LINC00632: variants seen among roughly 807,000 people sequenced by gnomAD.
LINC00632 encodes the protein long independently transcribed non-coding RNA 632.
exon 5 of LINC00632, among the ~76,000 whole-genome samples, chrX:140,790,418 T>C (rs1377170420): frequency 9.0e-6 from 1 of 111,513 alleles, no homozygotes; most frequent in East Asian, 2.8e-4. Context: ...ACTGATAATA[T>C]TTCTCTAGTA....
At chrX:140,736,365 CA>C (rs1351489375) in intron 3 of LINC00632, among the ~76,000 whole-genome samples, 1 of 105,708 alleles carries the variant, frequency 9.5e-6, no homozygotes, top group Non-Finnish European at 1.9e-5. Context: ...ATAGCATATA[CA>C]TTTTTTTTTC....
intron 2 of LINC00632, among the ~76,000 whole-genome samples, chrX:140,728,117 G>A (rs967540170): frequency 5.4e-5 from 6 of 110,267 alleles, no homozygotes; most frequent in African/African-American, 1.3e-4. Flanking sequence ...GCGCATGCCT[G>A]TAATCCCAGC....
chrX:140,720,352 A>T (rs1276174807), intron 2 of LINC00632, among the ~76,000 whole-genome samples: 7 of 111,469 alleles, frequency 6.3e-5, no homozygotes, highest in Non-Finnish European at 1.3e-4. Context: ...GTCTTGTAAC[A>T]CTGAGACTCA....
chrX:140,724,882 C>T (rs1930901526), intron 2 of LINC00632, among the ~76,000 whole-genome samples: 1 of 109,914 alleles, frequency 9.1e-6, no homozygotes, highest in African/African-American at 3.3e-5. Context: ...TCCATACACA[C>T]ACATTCCATA....
chrX:140,778,625 A>G (rs1931901548), exon 5 of LINC00632, among the ~76,000 whole-genome samples: 1 of 109,974 alleles, frequency 9.1e-6, no homozygotes, highest in African/African-American at 3.3e-5. Context: ...AAAGAAAAAA[A>G]AAAAAAAAAA....
intron 3 of LINC00632, among the ~76,000 whole-genome samples, chrX:140,767,715 A>C (rs1216945322): frequency 8.9e-5 from 10 of 111,797 alleles, no homozygotes; most frequent in East Asian, 8.5e-4. Context: ...AGCTAGCTAG[A>C]TAGATAGATA....
exon 5 of LINC00632, among the ~76,000 whole-genome samples, chrX:140,787,421 T>C (rs760555937): frequency 1.3e-4 from 15 of 111,935 alleles, no homozygotes; most frequent in Non-Finnish European, 3.8e-5. Context: ...TTGGTGAGCA[T>C]TAAGTTCCTT....
At chrX:140,749,925 C>T (rs922980086) in intron 3 of LINC00632, among the ~76,000 whole-genome samples, 4 of 110,526 alleles carry the variant, frequency 3.6e-5, no homozygotes, top group African/African-American at 6.6e-5. Context: ...AACTCCTGGG[C>T]GCAAGTGATC....
exon 4 of LINC00632, among the ~76,000 whole-genome samples, chrX:140,773,074 G>A (rs1218918072): frequency 9.0e-6 from 1 of 111,696 alleles, no homozygotes; most frequent in African/African-American, 3.3e-5. Flanking sequence ...GCTGAGGCAG[G>A]AGAATCGCTT....
chrX:140,723,455 CACACACACATTCCATACACAT>C (rs1930782645), intron 2 of LINC00632, among the ~76,000 whole-genome samples: 3 of 34,955 alleles, frequency 8.6e-5, no homozygotes, highest in African/African-American at 2.4e-4. Flanking sequence ...ACACATTCCA[CACACACACATTCCATACACAT>C]ACACACACAT....
At chrX:140,735,457 G>T (rs944686932) in intron 3 of LINC00632, among the ~76,000 whole-genome samples, 2 of 111,477 alleles carry the variant, frequency 1.8e-5, no homozygotes, top group Non-Finnish European at 3.8e-5. Flanking sequence ...ATTTTCATTT[G>T]AGGCATTATT....
intron 2 of LINC00632, among the ~76,000 whole-genome samples, chrX:140,716,560 C>T (rs975215366): frequency 2.7e-5 from 3 of 110,229 alleles, no homozygotes; most frequent in East Asian, 2.9e-4. Context: ...AGCCCTAGAA[C>T]GTCTAGAAAC....
At chrX:140,758,581 T>C (rs1366341404) in intron 3 of LINC00632, among the ~76,000 whole-genome samples, 5 of 111,599 alleles carry the variant, frequency 4.5e-5, no homozygotes, top group Non-Finnish European at 9.4e-5. Context: ...TTTCGCCGTG[T>C]TGGCCAGGCT....
chrX:140,726,717 C>T (rs761595000), intron 2 of LINC00632, among the ~76,000 whole-genome samples: 3 of 112,086 alleles, frequency 2.7e-5, no homozygotes, highest in Non-Finnish European at 3.8e-5. Context: ...CCAAGATATA[C>T]GGCTTCTTCC....
At chrX:140,760,983 C>G (rs1289266052) in intron 3 of LINC00632, among the ~76,000 whole-genome samples, 1 of 112,314 alleles carries the variant, frequency 8.9e-6, no homozygotes, top group Non-Finnish European at 1.9e-5. Flanking sequence ...AGTTTTCACA[C>G]TCCCACCACA....
At chrX:140,747,555 C>T (rs1602744792) in intron 3 of LINC00632, among the ~76,000 whole-genome samples, 1 of 97,551 alleles carries the variant, frequency 1.0e-5, no homozygotes, top group African/African-American at 3.6e-5. Context: ...AAAGGAATTA[C>T]ATTGGCCTTC....
intron 3 of LINC00632, among the ~76,000 whole-genome samples, chrX:140,767,223 G>T (rs776681482): frequency 7.2e-5 from 8 of 111,203 alleles, no homozygotes; most frequent in African/African-American, 2.6e-4. Context: ...GACAGATTAT[G>T]TAACTTGTCT....
chrX:140,741,272 G>A (rs1157846054), intron 3 of LINC00632, among the ~76,000 whole-genome samples: 1 of 112,029 alleles, frequency 8.9e-6, no homozygotes, highest in African/African-American at 3.2e-5. Flanking sequence ...CCAGCCAGGG[G>A]CTCTAGGGAT....
At chrX:140,743,255 A>AAAAAAAAAAAAAAAAAG in intron 3 of LINC00632, among the ~76,000 whole-genome samples, 1 of 90,718 alleles carries the variant, frequency 1.1e-5, no homozygotes, top group African/African-American at 3.7e-5. Flanking sequence ...AAAAAAAAAA[A>AAAAAAAAAAAAAAAAAG]AAAAAGAAAT....
Sources: gnomAD v4.1 joint callset for allele counts (sites outside exome capture counted in the v4.1 genomes callset) on GRCh38, gnomAD v4.1.1 for gene constraint, MANE v1.5 for transcripts, NCBI Gene and HGNC (gene_info 2026-07-23, HGNC 2026-07-21) for gene names.